The following TAF1 variants were observed in gnomAD, a reference collection of about 807,000 sequenced individuals.
TAF1 encodes TATA-box binding protein associated factor 1.
In TAF1, 2 loss-of-function variants were observed where a neutral mutation model predicts 138.5. The ratio of observed to expected loss-of-function variants is 0.01; its 90% CI spans 0.01 to 0.05. The LOEUF is 0.05. TAF1 is among the 10% of genes least tolerant of loss of function. The pLI is 1.00. For missense variants in TAF1, 709 were observed against 1,478.0 expected (o/e 0.48, Z 8.53); for synonymous variants, 437 against 503.2 (o/e 0.87, Z 1.76).
At chrX:71,377,866 A>C in intron 6 of TAF1, 45 bp downstream of exon 6, 1 of 1,072,414 alleles carries the variant, frequency 9.3e-7, no homozygotes, top group Non-Finnish European at 1.3e-6. Flanking sequence ...GAGAGGAACA[A>C]ATGAATTCAA....
At chrX:71,412,833 G>A (rs1235525683) in intron 28 of TAF1, among the ~76,000 whole-genome samples, 3 of 112,347 alleles carry the variant, frequency 2.7e-5, no homozygotes, top group South Asian at 3.6e-4. Context: ...TGATCCACCC[G>A]CTTGGGCTTC....
chrX:71,449,913 C>G (rs756940043), intron 32 of TAF1, among the ~76,000 whole-genome samples: 1 of 111,352 alleles, frequency 9.0e-6, no homozygotes, highest in East Asian at 2.8e-4. Context: ...GCTGGGACTA[C>G]AGGTGCACAC....
chrX:71,384,576 A>G (rs2034103212), intron 13 of TAF1, among the ~76,000 whole-genome samples: 1 of 110,330 alleles, frequency 9.1e-6, no homozygotes, highest in South Asian at 3.9e-4. Flanking sequence ...CACCCAGCTA[A>G]TTTTTGTATT....
chrX:71,513,714 T>TA (rs1207545914), intron 13 of TAF1, among the ~76,000 whole-genome samples: 2 of 111,680 alleles, frequency 1.8e-5, no homozygotes, highest in African/African-American at 6.5e-5. Flanking sequence ...AGACCCCATC[T>TA]ATAAAAACTT....
rs1016739699 is a variant in TAF1, at chrX:71,459,813, C to T, written c.5221+105C>T. On this transcript the variant is annotated intron_variant, in intron 36 of 37. Coordinates refer to ENST00000423759, the MANE Select transcript of TAF1 (RefSeq NM_004606.5). ...CACATATGCTTTTATTGGAAGCTGC[C>T]TCTTTTATTGAATTCCTATTAATAG... The T allele has an allele frequency of 1.6e-4, 182 of 1,140,130 alleles. 1 individual carries two copies. The highest frequency in any genetic ancestry group is 9.7e-4 in the Admixed American group (34 of 35,147). 94.0% of individuals were successfully genotyped at this position (1,140,130 alleles called of 1,213,427 possible).
rs1400674561 is a variant in TAF1 at position 71,465,107 on chromosome X, A to G, written c.*1061A>G. Reference sequence around the variant, plus strand: ...TCAGTAAATGTTCCTAGAATCATAAAATCCTCAACAGATATGTTACTGAGC... The same window carrying G: ...TCAGTAAATGTTCCTAGAATCATAAGATCCTCAACAGATATGTTACTGAGC... On this transcript the variant is annotated 3_prime_UTR_variant, in exon 38 of 38. Coordinates refer to ENST00000423759, the MANE Select transcript of TAF1 (RefSeq NM_004606.5). 1.8e-5 allele frequency: 2 copies of G among 111,240 alleles called. No individual in the cohort carries two copies. Among genetic ancestry groups the G allele is most frequent in the African/African-American group, 6.5e-5 (2 of 30,586 alleles). The allele number at this position is 111,240 out of a possible 1,213,427, so 9.2% of individuals were successfully genotyped here.
chrX:71,403,272 TC>T (rs1324996399), intron 25 of TAF1, among the ~76,000 whole-genome samples: 1 of 111,506 alleles, frequency 9.0e-6, no homozygotes, highest in East Asian at 2.8e-4. Flanking sequence ...CAAGCAGTCC[TC>T]CTGCCTCAGC....
At chrX:71,461,544 G>A (rs779806725) in intron 37 of TAF1, among the ~76,000 whole-genome samples, 5 of 111,128 alleles carry the variant, frequency 4.5e-5, no homozygotes, top group Admixed American at 9.6e-5. Context: ...GAGATGTCTG[G>A]TAGAGGAAAG....
intron 13 of TAF1, among the ~76,000 whole-genome samples, chrX:71,508,365 G>A (rs2039669349): frequency 9.2e-6 from 1 of 109,027 alleles, no homozygotes; most frequent in South Asian, 3.9e-4. Context: ...TGAGGTGGGA[G>A]GATCGCTTGA....
At chrX:71,367,956 C>A in intron 2 of TAF1, 98 bp from the exon 3 acceptor site, 1 of 933,012 alleles carries the variant, frequency 1.1e-6, no homozygotes, top group Non-Finnish European at 1.5e-6. Context: ...CAGGCGTGAG[C>A]CACCGCATCC....
rs757118593 is a variant in TAF1, at chrX:71,515,355, T to C, written c.1367-13187T>C. On this transcript the variant is annotated intron_variant and NMD_transcript_variant, in intron 13 of 14. Coordinates refer to the TAF1 transcript ENST00000373775. ...CCAGCTCTTCACCCCAGAGGCAGCCTTCAGACCTTTGAGGATGGGGTCCTT... is the reference window on the plus strand; with the variant it reads ...CCAGCTCTTCACCCCAGAGGCAGCCCTCAGACCTTTGAGGATGGGGTCCTT... Among the ~76,000 whole-genome samples, 7 of 111,911 alleles carry C rather than the reference T, an allele frequency of 6.3e-5. No individual in the cohort carries two copies. In the South Asian group the frequency reaches 2.6e-3, roughly 42 times the overall value.
At chrX:71,409,953 C>T (rs1351191959) in intron 28 of TAF1, among the ~76,000 whole-genome samples, 1 of 108,361 alleles carries the variant, frequency 9.2e-6, no homozygotes, top group Non-Finnish European at 1.9e-5. Context: ...AGTGCAGTGG[C>T]GCCATCTTGT....
chrX:71,438,668 T>C (rs1423678247), intron 32 of TAF1, among the ~76,000 whole-genome samples: 1 of 112,122 alleles, frequency 8.9e-6, no homozygotes, highest in East Asian at 2.8e-4. Flanking sequence ...GACCATTCTT[T>C]CCTCACAACA....
intron 14 of TAF1, among the ~76,000 whole-genome samples, chrX:71,386,335 C>T (rs1194422319): frequency 1.8e-5 from 2 of 111,564 alleles, no homozygotes; most frequent in Non-Finnish European, 3.8e-5. Flanking sequence ...ACAGTTTATC[C>T]CTATCTTGCC....
chrX:71,439,284 C>T (rs897149246), intron 32 of TAF1, among the ~76,000 whole-genome samples: 5 of 111,313 alleles, frequency 4.5e-5, no homozygotes, highest in African/African-American at 9.8e-5. Flanking sequence ...CCAGTAGCTA[C>T]GTCTAGGAAA....
At chrX:71,417,146 C>A (rs1468030747) in intron 28 of TAF1, among the ~76,000 whole-genome samples, 3 of 109,701 alleles carry the variant, frequency 2.7e-5, no homozygotes, top group African/African-American at 1.0e-4. Context: ...TTAATCCATT[C>A]ATGGATTAAT....
intron 28 of TAF1, among the ~76,000 whole-genome samples, chrX:71,412,992 T>G (rs1383689420): frequency 8.9e-6 from 1 of 112,204 alleles, no homozygotes; most frequent in African/African-American, 3.2e-5. Flanking sequence ...ATCCAAAAAC[T>G]TGACATGCTC....
At chrX:71,387,804 A>G (rs1193006666) in intron 15 of TAF1, among the ~76,000 whole-genome samples, 1 of 111,579 alleles carries the variant, frequency 9.0e-6, no homozygotes, top group Non-Finnish European at 1.9e-5. Flanking sequence ...GTGGTGGCAC[A>G]TGCCTGTAAT....
chrX:71,416,643 A>C (rs764253173), intron 28 of TAF1: 3 of 314,720 alleles, frequency 9.5e-6, no homozygotes, highest in Non-Finnish European at 1.8e-5. Context: ...TCAAACACAC[A>C]AGGTCGATAG....
Sources: allele counts gnomAD v4.1 joint callset (sites outside exome capture counted in the v4.1 genomes callset), GRCh38; gene constraint gnomAD v4.1.1; transcripts MANE v1.5; gene names NCBI Gene and HGNC (gene_info 2026-07-23, HGNC 2026-07-21).